FMN1: variants seen among roughly 807,000 people sequenced by gnomAD.
FMN1 encodes formin 1.
FMN1 carries 110 observed loss-of-function variants against 132.4 expected under a neutral mutation model. That is an observed-to-expected ratio of 0.83 (90% CI 0.71 to 0.97). The LOEUF (loss-of-function observed/expected upper bound fraction) is 0.97, where lower values mean the gene tolerates loss of function less well. Ranked by LOEUF, FMN1 falls within the 50% of genes least tolerant of loss-of-function variation. The pLI, the probability that FMN1 is intolerant of heterozygous loss-of-function variation, is 0.00. For missense variants in FMN1, 1,792 were observed against 1,705.3 expected (o/e 1.05, Z -0.90); for synonymous variants, 722 against 651.7 (o/e 1.11, Z -1.64).
intron 10 of FMN1, among the ~76,000 whole-genome samples, chr15:32,912,631 G>A (rs1292053062): frequency 6.6e-6 from 1 of 152,096 alleles, no homozygotes; most frequent in Non-Finnish European, 1.5e-5. Context: ...TGACATTTAA[G>A]AGAAGACCTG....
chr15:32,878,412 G>C (rs983912171), intron 16 of FMN1, among the ~76,000 whole-genome samples: 1 of 152,316 alleles, frequency 6.6e-6, no homozygotes, highest in African/African-American at 2.4e-5. Flanking sequence ...GACCAAGAGT[G>C]GAAGCAGAGA....
At chr15:33,014,643 A>G (rs923117113) in intron 6 of FMN1, among the ~76,000 whole-genome samples, 6 of 151,732 alleles carry the variant, frequency 4.0e-5, no homozygotes, top group African/African-American at 1.2e-4. Context: ...ATTTTGGAGG[A>G]AAAAAAAATG....
intron 5 of FMN1, among the ~76,000 whole-genome samples, chr15:33,073,916 A>AGAC (rs2038097063): frequency 6.6e-6 from 1 of 152,084 alleles, no homozygotes; most frequent in Admixed American, 6.5e-5. Flanking sequence ...TTTTTTCTAG[A>AGAC]GACGGGGTTT....
chr15:32,954,162 T>C (rs956434020), intron 9 of FMN1, among the ~76,000 whole-genome samples: 1 of 152,200 alleles, frequency 6.6e-6, no homozygotes, highest in Non-Finnish European at 1.5e-5. Context: ...TTTCCAGTAC[T>C]TCAATACCCC....
chr15:32,908,852 C>T (rs948613338), intron 11 of FMN1, among the ~76,000 whole-genome samples: 1 of 152,140 alleles, frequency 6.6e-6, no homozygotes, highest in Non-Finnish European at 1.5e-5. Flanking sequence ...AACAAGTACA[C>T]GCAGCTGGAC....
At chr15:33,046,140 A>T (rs1004314564) in intron 6 of FMN1, among the ~76,000 whole-genome samples, 1 of 152,178 alleles carries the variant, frequency 6.6e-6, no homozygotes, top group African/African-American at 2.4e-5. Flanking sequence ...TGAAAATATC[A>T]ATCTCTAGAG....
chr15:33,103,662 C>T (rs1240547189), intron 4 of FMN1, among the ~76,000 whole-genome samples: 5 of 152,020 alleles, frequency 3.3e-5, no homozygotes, highest in Non-Finnish European at 7.4e-5. Context: ...AGGAGAAAAA[C>T]AAAAACCCTA....
At chr15:32,887,035 G>C (rs1367019768) in intron 16 of FMN1, among the ~76,000 whole-genome samples, 2 of 151,976 alleles carry the variant, frequency 1.3e-5, no homozygotes, top group Admixed American at 1.3e-4. Context: ...TAATATACAA[G>C]ATAAAAATAT....
At chr15:33,004,888 G>C (rs542076883) in intron 7 of FMN1, among the ~76,000 whole-genome samples, 1 of 152,104 alleles carries the variant, frequency 6.6e-6, no homozygotes. Flanking sequence ...GTCCTTTGTA[G>C]GGACATGGAT....
At chr15:32,935,578 T>C (rs777231072) in intron 9 of FMN1, among the ~76,000 whole-genome samples, 16 of 152,136 alleles carry the variant, frequency 1.1e-4, no homozygotes, top group Non-Finnish European at 1.9e-4. Context: ...ACTGTCACAA[T>C]GTGTCTATTG....
At chr15:33,166,121 C>G (rs1965096072) in intron 3 of FMN1, among the ~76,000 whole-genome samples, 1 of 152,090 alleles carries the variant, frequency 6.6e-6, no homozygotes, top group Non-Finnish European at 1.5e-5. Flanking sequence ...GCCAAACCAC[C>G]ATCATGTGAG....
intron 4 of FMN1, among the ~76,000 whole-genome samples, chr15:33,092,355 G>A (rs2038933778): frequency 6.6e-6 from 1 of 152,108 alleles, no homozygotes; most frequent in Non-Finnish European, 1.5e-5. Context: ...GGGTACATTG[G>A]ATTATTGTTC....
At chr15:33,120,547 C>T (rs1037011824) in intron 4 of FMN1, among the ~76,000 whole-genome samples, 3 of 152,130 alleles carry the variant, frequency 2.0e-5, no homozygotes, top group Admixed American at 6.5e-5. Context: ...ATGTCGCCAA[C>T]CCCAGAGATT....
intron 6 of FMN1, among the ~76,000 whole-genome samples, chr15:33,009,527 C>T (rs1220699329): frequency 6.6e-6 from 1 of 152,176 alleles, no homozygotes; most frequent in Non-Finnish European, 1.5e-5. Flanking sequence ...CTTGCCATTC[C>T]TTGAACTTGT....
intron 6 of FMN1, among the ~76,000 whole-genome samples, chr15:33,051,403 G>T (rs961551022): frequency 6.6e-6 from 1 of 152,132 alleles, no homozygotes. Flanking sequence ...TGTTACAGTA[G>T]GTAGCTAGTC....
At chr15:32,943,938 A>G (rs1027888759) in intron 9 of FMN1, among the ~76,000 whole-genome samples, 2 of 152,208 alleles carry the variant, frequency 1.3e-5, no homozygotes, top group Non-Finnish European at 2.9e-5. Flanking sequence ...ATGGTAGCCT[A>G]TGGATACAGG....
intron 4 of FMN1, among the ~76,000 whole-genome samples, chr15:33,126,219 G>A (rs565673644): frequency 7.3e-6 from 1 of 136,414 alleles, no homozygotes; most frequent in Admixed American, 6.8e-5. Flanking sequence ...CCTAAAGACA[G>A]AGAGTTTTCC....
chr15:33,171,588 T>C (rs1425611276), intron 3 of FMN1, among the ~76,000 whole-genome samples: 1 of 152,222 alleles, frequency 6.6e-6, no homozygotes, highest in African/African-American at 2.4e-5. Context: ...GGAAATTTAA[T>C]TCCAGCAATG....
At chr15:32,999,991 C>T (rs1285974753) in intron 7 of FMN1, among the ~76,000 whole-genome samples, 1 of 152,176 alleles carries the variant, frequency 6.6e-6, no homozygotes, top group Non-Finnish European at 1.5e-5. Flanking sequence ...TCCAGAGCTG[C>T]ATCCCTTCAC....
Sources: gnomAD v4.1 joint callset for allele counts (sites outside exome capture counted in the v4.1 genomes callset) on GRCh38, gnomAD v4.1.1 for gene constraint, MANE v1.5 for transcripts, NCBI Gene and HGNC (gene_info 2026-07-23, HGNC 2026-07-21) for gene names.